Variants in NEK6 observed in about 807,000 individuals in gnomAD.
NEK6 encodes NIMA related kinase 6.
A neutral mutation model predicts 43.5 loss-of-function variants in NEK6; 27 were observed. The ratio of observed to expected loss-of-function variants is 0.62; its 90% CI spans 0.46 to 0.86. The LOEUF (loss-of-function observed/expected upper bound fraction) is 0.86. Ranked by LOEUF, NEK6 falls within the 40% of genes least tolerant of loss-of-function variation. NEK6 has a pLI of 0.00. For synonymous variants in NEK6, 167 were observed against 164.1 expected (o/e 1.02, Z -0.14); for missense variants, 318 against 414.4 (o/e 0.77, Z 2.02).
At chr9:124,334,786 G>A (rs1166380111) in intron 7 of NEK6, among the ~76,000 whole-genome samples, 4 of 152,202 alleles carry the variant, frequency 2.6e-5, no homozygotes, top group East Asian at 1.9e-4. Flanking sequence ...GGGAGGACCC[G>A]GGCTGAGGGC....
rs141855995 is a variant in NEK6 at position 124,329,185 on chromosome 9, C to A, written c.622+1740C>A. On this transcript the variant is annotated intron_variant, in intron 7 of 9. Coordinates refer to ENST00000320246, the MANE Select transcript of NEK6 (RefSeq NM_014397.6). ...CTTTCCTTGTCCCCTCAAACATTTA[C>A]TTCCCTTGTGAAAAACCAAGTGTTT... 9.1e-4 allele frequency among the ~76,000 whole-genome samples: 139 copies of A among 152,332 alleles called. 1 individual carries two copies. The highest frequency in any genetic ancestry group is 3.2e-3 in the African/African-American group (133 of 41,562).
At chr9:124,314,093 C>A (rs1355597405) in intron 4 of NEK6, 108 bp downstream of exon 4, 2 of 977,274 alleles carry the variant, frequency 2.0e-6, no homozygotes, top group African/African-American at 3.3e-5. Context: ...GAATCCGCAG[C>A]CCCTGCTAAG....
At chr9:124,264,349 G>T (rs1036800152) in intron 1 of NEK6, among the ~76,000 whole-genome samples, 1 of 152,204 alleles carries the variant, frequency 6.6e-6, no homozygotes, top group Non-Finnish European at 1.5e-5. Flanking sequence ...TGCAAGGAGG[G>T]CTTCACAGGG....
At chr9:124,332,674 G>A (rs528896695) in intron 7 of NEK6, among the ~76,000 whole-genome samples, 4 of 152,242 alleles carry the variant, frequency 2.6e-5, no homozygotes, top group South Asian at 2.1e-4. Context: ...TGCCTTTTTC[G>A]TAGCTAATGA....
chr9:124,297,069 G>A (rs1444155249), intron 1 of NEK6, among the ~76,000 whole-genome samples: 1 of 152,244 alleles, frequency 6.6e-6, no homozygotes, highest in Non-Finnish European at 1.5e-5. Flanking sequence ...TCACGTAGAT[G>A]ATGAAGACGT....
chr9:124,264,814 C>CAA lies in NEK6; in HGVS notation c.-30+6753_-30+6754dup, dbSNP rs372219790. 3.2e-3 allele frequency among the ~76,000 whole-genome samples: 284 copies of CAA among 88,420 alleles called. 2 individuals are homozygous for CAA. The highest frequency in any genetic ancestry group is 5.2e-3 in the East Asian group (14 of 2,692). The allele number at this position is 88,420 out of a possible 152,430, so 58.0% of individuals were successfully genotyped here. ...TAGGCAACAGAGCGAGACTCTGTATCAAAAAAAAAAAAAAAAAAAAAAAAA... is the reference window on the plus strand; with the variant it reads ...TAGGCAACAGAGCGAGACTCTGTATCAAAAAAAAAAAAAAAAAAAAAAAAAAA... On this transcript the variant is annotated intron_variant, in intron 1 of 9. Transcript: ENST00000320246.
At chr9:124,293,944 CCTGGCTGCCCA>C (rs554584105) in intron 1 of NEK6, among the ~76,000 whole-genome samples, 366 of 152,340 alleles carry the variant, frequency 2.4e-3, no homozygotes, top group Non-Finnish European at 4.3e-3. Flanking sequence ...CTTGGTGCCC[CCTGGCTGCCCA>C]CTGTGTGCTC....
At chr9:124,274,227 G>A (rs1049712588) in intron 1 of NEK6, among the ~76,000 whole-genome samples, 2 of 152,264 alleles carry the variant, frequency 1.3e-5, no homozygotes, top group African/African-American at 4.8e-5. Context: ...TGCTTCCTGC[G>A]CATGTCCCGT....
intron 2 of NEK6, among the ~76,000 whole-genome samples, chr9:124,305,553 CAAAAAA>C (rs11445181): frequency 2.4e-5 from 3 of 123,718 alleles, no homozygotes; most frequent in Non-Finnish European, 3.3e-5. Context: ...GACCCCATCT[CAAAAAA>C]AAAAAAAAAA....
At position 124,351,772 on chromosome 9, in the gene NEK6, C is replaced by CT. The variant is rs1830285584; in HGVS notation, c.*827dup. Reference sequence around the variant, plus strand: ...TGCAACTTCCTAGCGTGACTTTGGGCTTGGGCAAGTTTCTTAGCCGTTCTG... The same window carrying CT: ...TGCAACTTCCTAGCGTGACTTTGGGCTTTGGGCAAGTTTCTTAGCCGTTCTG... On this transcript the variant is annotated 3_prime_UTR_variant, in exon 10 of 10. Transcript: ENST00000320246. 6.6e-6 allele frequency: 1 copy of CT among 152,230 alleles called. No individual in the cohort carries two copies. Among genetic ancestry groups the CT allele is most frequent in the African/African-American group, 2.4e-5 (1 of 41,438 alleles). The allele number at this position is 152,230 out of a possible 1,614,324, so 9.4% of individuals were successfully genotyped here. A position where few individuals can be genotyped will look rare whatever the true frequency, so the allele number is the denominator to read the frequency against.
chr9:124,278,872 C>T (rs926021352), intron 1 of NEK6, among the ~76,000 whole-genome samples: 4 of 152,168 alleles, frequency 2.6e-5, no homozygotes, highest in Admixed American at 6.5e-5. Flanking sequence ...CAGCCCCTGC[C>T]GCAGTGCTGG....
chr9:124,317,947 G>A (rs1016276415), intron 4 of NEK6, among the ~76,000 whole-genome samples: 4 of 152,042 alleles, frequency 2.6e-5, no homozygotes, highest in Admixed American at 6.6e-5. Flanking sequence ...AGATTGATTC[G>A]GTGTCTTTGC....
intron 4 of NEK6, among the ~76,000 whole-genome samples, chr9:124,314,192 C>G (rs952471889): frequency 1.3e-5 from 2 of 152,142 alleles, no homozygotes; most frequent in African/African-American, 4.8e-5. Flanking sequence ...CTGCCCAGCC[C>G]TTGGGGTCGC....
At chr9:124,346,539 GGGCACTCGCCCGAC>G (rs922853494) in intron 8 of NEK6, among the ~76,000 whole-genome samples, 1 of 152,180 alleles carries the variant, frequency 6.6e-6, no homozygotes, top group African/African-American at 2.4e-5. Context: ...GACAGCAGGA[GGGCACTCGCCCGAC>G]GGCACTTCAC....
At chr9:124,257,944 C>T (rs1240696793), upstream of NEK6, 152 of 977,332 alleles carry the variant, frequency 1.6e-4, no homozygotes, top group Middle Eastern at 1.6e-3. Context: ...CGCGGGCCCG[C>T]GCAGGCGGTG....
chr9:124,338,712 C>G (rs1421659941), intron 7 of NEK6, among the ~76,000 whole-genome samples: 1 of 152,222 alleles, frequency 6.6e-6, no homozygotes, highest in African/African-American at 2.4e-5. Flanking sequence ...TGGGTTTGAA[C>G]TAATTCCTGC....
Position 124,326,623 on chromosome 9 carries a change from G to A in NEK6, c.514+185G>A, listed in dbSNP as rs979823781. ...CGCCCGGGTCAGGAACCTCCCCGAG[G>A]TGGAAAGTGACATGAGCCCCAGGGG... On this transcript the variant is annotated intron_variant, in intron 6 of 9. Coordinates refer to ENST00000320246, the MANE Select transcript of NEK6 (RefSeq NM_014397.6). This position sits in a 1 kb window ranked among gnomAD's most constrained non-coding sequence, Gnocchi z 4.5. 1.3e-5 allele frequency among the ~76,000 whole-genome samples: 2 copies of A among 152,206 alleles called. No homozygotes were observed. Among genetic ancestry groups the A allele is most frequent in the Admixed American group, 1.3e-4 (2 of 15,290 alleles).
chr9:124,257,920 C>A (rs1438191991), upstream of NEK6: 7 of 965,668 alleles, frequency 7.2e-6, no homozygotes, highest in Admixed American at 6.4e-5. Flanking sequence ...CGGGGAGGGG[C>A]GGGCGCGCGG....
intron 4 of NEK6, among the ~76,000 whole-genome samples, chr9:124,318,187 T>C (rs1202635410): frequency 2.6e-5 from 4 of 152,210 alleles, no homozygotes. Flanking sequence ...CCAACATCTG[T>C]TATTTTTTGA....
Sources: allele counts gnomAD v4.1 joint callset (sites outside exome capture counted in the v4.1 genomes callset), GRCh38; gene constraint gnomAD v4.1.1; non-coding constraint Gnocchi (gnomAD v3.1); transcripts MANE v1.5; gene names NCBI Gene and HGNC (gene_info 2026-07-23, HGNC 2026-07-21).